Variants in ATOSA observed in about 807,000 individuals in gnomAD.
ATOSA encodes the protein atos homolog A.
At chr15:52,592,171 T>C in the ATOSA span, among the ~76,000 whole-genome samples, 42 of 152,196 alleles carry the variant, frequency 2.8e-4, no homozygotes, top group Non-Finnish European at 5.0e-4. Flanking sequence ...CAAAAGTCAT[T>C]GTTACTAATG....
At chr15:52,652,071 G>A in the ATOSA span, 4 of 1,451,162 alleles carry the variant, frequency 2.8e-6, no homozygotes, top group African/African-American at 4.3e-5. Context: ...CAGAGTAAGA[G>A]CGCACATAGC....
At chr15:52,624,509 T>C in the ATOSA span, among the ~76,000 whole-genome samples, 1 of 152,186 alleles carries the variant, frequency 6.6e-6, no homozygotes, top group Non-Finnish European at 1.5e-5. Context: ...ACTGTACTGT[T>C]AACTTCAGCC....
the ATOSA span, among the ~76,000 whole-genome samples, chr15:52,659,776 G>C: frequency 6.6e-6 from 1 of 152,136 alleles, no homozygotes; most frequent in South Asian, 2.1e-4. Context: ...GCCCACTGAG[G>C]TGGGAGGTTT....
the ATOSA span, among the ~76,000 whole-genome samples, chr15:52,670,254 G>A: frequency 5.9e-5 from 9 of 152,232 alleles, no homozygotes; most frequent in African/African-American, 2.2e-4. Context: ...CAGTGCAGCT[G>A]TTCCAAGCTG....
At chr15:52,583,499 C>T in the ATOSA span, among the ~76,000 whole-genome samples, 2 of 152,140 alleles carry the variant, frequency 1.3e-5, no homozygotes, top group East Asian at 3.9e-4. Flanking sequence ...GATTCTCCTG[C>T]CTCAGCTTCC....
the ATOSA span, among the ~76,000 whole-genome samples, chr15:52,592,653 T>C: frequency 2.6e-5 from 4 of 152,138 alleles, no homozygotes; most frequent in African/African-American, 4.8e-5. Context: ...TAACAATAGC[T>C]GATGAGCTAA....
the ATOSA span, among the ~76,000 whole-genome samples, chr15:52,683,057 A>G: frequency 6.6e-6 from 1 of 152,248 alleles, no homozygotes; most frequent in African/African-American, 2.4e-5. Context: ...GGGCTTAGAA[A>G]TACAAGGGCC....
the ATOSA span, among the ~76,000 whole-genome samples, chr15:52,651,308 A>G: frequency 2.0e-5 from 3 of 152,214 alleles, no homozygotes; most frequent in Non-Finnish European, 4.4e-5. Context: ...AATGGATTAA[A>G]TAATTAAGAG....
the ATOSA span, among the ~76,000 whole-genome samples, chr15:52,686,750 G>T: frequency 6.6e-6 from 1 of 152,114 alleles, no homozygotes; most frequent in East Asian, 1.9e-4. Flanking sequence ...ATGTTTTCCA[G>T]ACTGGTCTCT....
At chr15:52,617,442 A>G in the ATOSA span, among the ~76,000 whole-genome samples, 1 of 152,144 alleles carries the variant, frequency 6.6e-6, no homozygotes, top group South Asian at 2.1e-4. Context: ...AAGCCACCCA[A>G]ATCTATGGTA....
chr15:52,584,210 T>G, the ATOSA span, among the ~76,000 whole-genome samples: 1 of 150,146 alleles, frequency 6.7e-6, no homozygotes, highest in Non-Finnish European at 1.5e-5. Context: ...AATGGTGTGA[T>G]CTCAGCTCAC....
the ATOSA span, among the ~76,000 whole-genome samples, chr15:52,662,504 C>T: frequency 1.3e-5 from 2 of 152,188 alleles, no homozygotes; most frequent in Non-Finnish European, 2.9e-5. Flanking sequence ...GGCACGGTGG[C>T]TCAAGCCTGT....
the ATOSA span, among the ~76,000 whole-genome samples, chr15:52,649,069 A>AT: frequency 6.6e-6 from 1 of 152,282 alleles, no homozygotes; most frequent in Middle Eastern, 3.4e-3. Context: ...AGGTCTTTGA[A>AT]TTTTTGATAC....
the ATOSA span, among the ~76,000 whole-genome samples, chr15:52,619,982 G>T: frequency 2.0e-5 from 3 of 152,232 alleles, no homozygotes; most frequent in African/African-American, 7.2e-5. Flanking sequence ...CACAGTTCTG[G>T]GGGTCCCTAC....
chr15:52,609,376 G>A, the ATOSA span: 1 of 1,613,860 alleles, frequency 6.2e-7, no homozygotes, highest in Non-Finnish European at 8.5e-7. Context: ...AACCGAACTG[G>A]AGTCATGCAT....
the ATOSA span, among the ~76,000 whole-genome samples, chr15:52,636,181 TA>T: frequency 6.8e-6 from 1 of 147,802 alleles, no homozygotes; most frequent in Non-Finnish European, 1.5e-5. Flanking sequence ...ATAAATAAAA[TA>T]AAAATAAGGA....
chr15:52,679,515 G>A, the ATOSA span: 4 of 152,460 alleles, frequency 2.6e-5, no homozygotes, highest in East Asian at 7.7e-4. Context: ...GCTAGTTTGG[G>A]GCCGGGTTTT....
At chr15:52,672,172 C>CAAAAAAAAAAAAAAAAAAAAAAAAA in the ATOSA span, among the ~76,000 whole-genome samples, 2 of 62,552 alleles carry the variant, frequency 3.2e-5, no homozygotes, top group African/African-American at 1.4e-4. Flanking sequence ...CCCCATTTCT[C>CAAAAAAAAAAAAAAAAAAAAAAAAA]AAAAAAAAAA....
chr15:52,621,391 ACTC>A, the ATOSA span, among the ~76,000 whole-genome samples: 54 of 152,224 alleles, frequency 3.5e-4, 1 homozygote, highest in Non-Finnish European at 6.6e-4. Flanking sequence ...AGCATAAGTA[ACTC>A]CTATTAACTG....
Sources: gnomAD v4.1 joint callset for allele counts (sites outside exome capture counted in the v4.1 genomes callset) on GRCh38, gnomAD v4.1.1 for gene constraint, MANE v1.5 for transcripts, NCBI Gene and HGNC (gene_info 2026-07-23, HGNC 2026-07-21) for gene names.